SYNE2: variants seen among roughly 807,000 people sequenced by gnomAD.
SYNE2 encodes spectrin repeat containing nuclear envelope protein 2, also known as nesprin-2.
Under a neutral mutation model 856.3 loss-of-function variants are expected in SYNE2, and 431 were observed. That is an observed-to-expected ratio of 0.50 (90% confidence interval 0.47 to 0.55). The LOEUF is 0.55. SYNE2 is among the 20% of genes least tolerant of loss of function. SYNE2 has a pLI of 0.00. For synonymous variants in SYNE2, 2,923 were observed against 2,872.3 expected (o/e 1.02, Z -0.56); for missense variants, 8,129 against 8,023.2 (o/e 1.01, Z -0.50).
At position 63,991,039 on chromosome 14, in the gene SYNE2, T is replaced by A; in HGVS notation, c.2570T>A (p.Leu857His). The change falls in exon 21 of 116, where the codon CTT becomes CAT. Residue 857 changes from leucine (L) to histidine (H), a missense_variant. Transcript: ENST00000555002. ...RLKMEESQKE[L>H]ESYMMRAQQL... The stretch of plus-strand genomic sequence containing the variant: ...AAGATGGAAGAATCCCAGAAGGAAC[T>A]TGAATCATATATGATGAGGGCTCAG... The A allele has an allele frequency of 6.2e-7, 1 of 1,614,134 alleles. No homozygotes were observed. The highest frequency in any genetic ancestry group is 8.5e-7 in the Non-Finnish European group (1 of 1,180,006).
intron 103 of SYNE2, among the ~76,000 whole-genome samples, chr14:64,211,666 C>G (rs967167377): frequency 9.2e-5 from 14 of 152,336 alleles, no homozygotes; most frequent in South Asian, 6.2e-4. Context: ...TTTAGAATTT[C>G]AAATGCTTAA....
At chr14:64,194,776 G>A (rs888578504) in intron 99 of SYNE2, among the ~76,000 whole-genome samples, 5 of 152,226 alleles carry the variant, frequency 3.3e-5, no homozygotes, top group Admixed American at 2.0e-4. Context: ...TAGACAGAAA[G>A]ATGCAAGGTT....
rs964122365 is a variant in SYNE2 at position 64,221,702 on chromosome 14, A to G, written c.20188A>G (p.Met6730Val). The change falls in exon 112 of 116, where the codon ATG becomes GTG. Residue 6730 changes from methionine (M) to valine (V), a missense_variant and splice_region_variant. Physicochemically the swap from Met to Val is conservative, Grantham distance 21. Around this residue, in one of 3 missense-constraint regions of SYNE2, gnomAD observed 5,410 missense variants for 5,284.8 expected, o/e 1.02. Transcript: ENST00000555002. Reference protein sequence around the residue: ...RALLECRRELMQLEKELVERQ... With the variant: ...RALLECRRELVQLEKELVERQ... ...TCTCCTAGAGTGTCGGAGGGAACTA[A>G]TGGTAAGTTTCCTCCCAAGGGCTCT... The G allele has an allele frequency of 1.2e-6, 2 of 1,613,766 alleles. No individual in the cohort carries two copies. Among genetic ancestry groups the G allele is most frequent in the Non-Finnish European group, 8.5e-7 (1 of 1,179,738 alleles).
rs200893674 is a variant in SYNE2 at position 64,129,850 on chromosome 14, G to A, written c.14088G>A (p.Gly4696=). The A allele has an allele frequency of 1.5e-4, 242 of 1,614,026 alleles. No individual in the cohort carries two copies. Among genetic ancestry groups the A allele is most frequent in the Non-Finnish European group, 2.0e-4 (234 of 1,180,040 alleles). Residue 4696 remains glycine (G), a synonymous_variant, in exon 75 of 116, where the codon GGG becomes GGA. Transcript: ENST00000555002. ...GAGTGGCCAAACTAAGAGATGAAGGGGAGAGGCTTCATTTACCTTATGCTT... is the reference window on the plus strand; with the variant it reads ...GAGTGGCCAAACTAAGAGATGAAGGAGAGAGGCTTCATTTACCTTATGCTT... ...ESRVAKLRDE[G]ERLHLPYALL...
chr14:64,173,323 G>A (rs2098419605), intron 94 of SYNE2, among the ~76,000 whole-genome samples: 1 of 152,220 alleles, frequency 6.6e-6, no homozygotes, highest in Admixed American at 6.5e-5. Flanking sequence ...TAAGGGAGGA[G>A]CAGGTCTAAT....
chr14:64,056,325 TA>T lies in SYNE2; in HGVS notation c.10067+62del, dbSNP rs35787394. 0.042 allele frequency: 60,546 copies of T among 1,427,566 alleles called. 1,890 individuals carry two copies. The highest frequency in any genetic ancestry group is 0.15 in the African/African-American group (10,492 of 69,400). The allele number at this position is 1,427,566 out of a possible 1,614,324, so 88.4% of individuals were successfully genotyped here. A position where few individuals can be genotyped will look rare whatever the true frequency, so the allele number is the denominator to read the frequency against. ...ATAAAATATTGTTTCAAGATATAAT[TA>T]AACTATATTTTAATAGTTTTAAGAA... On this transcript the variant is annotated intron_variant, in intron 49 of 115. Transcript: ENST00000555002.
At chr14:64,205,368 T>G (rs777052486) in intron 100 of SYNE2, among the ~76,000 whole-genome samples, 6 of 152,192 alleles carry the variant, frequency 3.9e-5, no homozygotes, top group Non-Finnish European at 8.8e-5. Flanking sequence ...GAAACAAATG[T>G]GTCACACAAA....
At chr14:63,833,232 G>A (rs1452676063) in intron 1 of SYNE2, among the ~76,000 whole-genome samples, 3 of 151,732 alleles carry the variant, frequency 2.0e-5, no homozygotes, top group Non-Finnish European at 2.9e-5. Context: ...GAAAAGAAAT[G>A]TTCTTTTTCT....
chr14:63,957,325 G>A (rs531735063), intron 8 of SYNE2, among the ~76,000 whole-genome samples: 1 of 146,108 alleles, frequency 6.8e-6, no homozygotes, highest in Admixed American at 7.0e-5. Context: ...CTGGAGTGCA[G>A]TGGCGTGATC....
chr14:64,104,590 C>T (rs140948632), intron 64 of SYNE2, among the ~76,000 whole-genome samples: 1 of 152,032 alleles, frequency 6.6e-6, no homozygotes, highest in East Asian at 1.9e-4. Flanking sequence ...GCTGGGATTA[C>T]AGGTGCCCGC....
chr14:64,205,246 G>A (rs1443254227), intron 100 of SYNE2, among the ~76,000 whole-genome samples: 2 of 152,072 alleles, frequency 1.3e-5, no homozygotes, highest in Non-Finnish European at 2.9e-5. Flanking sequence ...TCATTATTCT[G>A]CCTACCACAG....
At chr14:63,949,404 G>C (rs1373999852) in intron 6 of SYNE2, among the ~76,000 whole-genome samples, 3 of 152,122 alleles carry the variant, frequency 2.0e-5, no homozygotes, top group African/African-American at 7.2e-5. Context: ...CTATCCATGT[G>C]TTTGACTATC....
At chr14:64,073,626 G>C (rs1229478572) in intron 52 of SYNE2, among the ~76,000 whole-genome samples, 1 of 152,146 alleles carries the variant, frequency 6.6e-6, no homozygotes, top group Non-Finnish European at 1.5e-5. Context: ...GTCCCCAAGA[G>C]CCCACCTGTG....
chr14:64,189,639 G>A lies in SYNE2; in HGVS notation c.17872-432G>A, dbSNP rs931612184. Among the ~76,000 whole-genome samples, 5 of 152,298 alleles carry A rather than the reference G, an allele frequency of 3.3e-5. No homozygotes were observed. The South Asian group carries it at 1.0e-3, about 32-fold the overall frequency. On this transcript the variant is annotated intron_variant, in intron 98 of 115. Transcript: ENST00000555002. ...CATATTTTGCTTTTGCCTGATGCGCGTTGCCTGACTTTTTAGCTGCTCACT... is the reference window on the plus strand; with the variant it reads ...CATATTTTGCTTTTGCCTGATGCGCATTGCCTGACTTTTTAGCTGCTCACT...
intron 7 of SYNE2, among the ~76,000 whole-genome samples, chr14:63,953,936 G>A (rs558014488): frequency 7.9e-5 from 12 of 151,516 alleles, no homozygotes; most frequent in African/African-American, 2.9e-4. Context: ...TTTTTTTTGA[G>A]GCAGTCTCAT....
In SYNE2 at chr14:64,097,917, C is replaced by G. The variant is rs1358100023; in HGVS notation, c.12109-32C>G. On this transcript the variant is annotated intron_variant, in intron 61 of 115. Coordinates refer to ENST00000555002, the MANE Select transcript of SYNE2 (RefSeq NM_182914.3). The stretch of plus-strand genomic sequence containing the variant: ...CTGGGCCTGCAGAGGCCTCAGACTT[C>G]TCAAACCTATGCAAACACTCTTTCT... The G allele has an allele frequency of 2.5e-6, 4 of 1,613,248 alleles. No homozygotes were observed. The South Asian group carries it at 3.3e-5, about 13-fold the overall frequency.
chr14:64,119,644 T>C (rs1389666072), intron 67 of SYNE2, 35 bp downstream of exon 67: 5 of 1,608,430 alleles, frequency 3.1e-6, no homozygotes, highest in Admixed American at 3.3e-5. Context: ...TTCATCTTGA[T>C]ACACATATGT....
intron 77 of SYNE2, 84 bp downstream of exon 77, chr14:64,132,522 A>G: frequency 1.3e-6 from 2 of 1,533,766 alleles, no homozygotes; most frequent in Non-Finnish European, 1.8e-6. Context: ...AGAAGTATCT[A>G]GTTATCATTA....
At chr14:64,199,028 A>T (rs2098550908) in intron 99 of SYNE2, among the ~76,000 whole-genome samples, 1 of 152,186 alleles carries the variant, frequency 6.6e-6, no homozygotes, top group Non-Finnish European at 1.5e-5. Flanking sequence ...ATCCAAGACA[A>T]GGCAAATGGT....
Sources: allele counts gnomAD v4.1 joint callset (sites outside exome capture counted in the v4.1 genomes callset), GRCh38; gene constraint gnomAD v4.1.1; regional missense constraint gnomAD v4.1.1; transcripts MANE v1.5; gene names NCBI Gene and HGNC (gene_info 2026-07-23, HGNC 2026-07-21).